The following ITIH5 variants were observed in gnomAD, a reference collection of about 807,000 sequenced individuals.
ITIH5 encodes inter-alpha-trypsin inhibitor heavy chain 5.
A neutral mutation model predicts 77.5 loss-of-function variants in ITIH5; 65 were observed. The observed-to-expected ratio is 0.84, with a 90% CI of 0.69 to 1.03. The LOEUF is 1.03. Among genes scored for constraint, ITIH5 ranks in the 50% least tolerant of loss-of-function variants. The pLI is 0.00. For synonymous variants in ITIH5, 525 were observed against 494.3 expected, an observed-to-expected ratio of 1.06 and a Z score of -0.82; for missense variants, 1,208 against 1,213.1, an observed-to-expected ratio of 1.00 and a Z score of 0.06.
intron 2 of ITIH5, among the ~76,000 whole-genome samples, chr10:7,644,286 T>TC (rs1833934688): frequency 6.7e-6 from 1 of 149,284 alleles, no homozygotes; most frequent in African/African-American, 2.4e-5. Context: ...TGTGTATATA[T>TC]ATCATATATA....
intron 7 of ITIH5, among the ~76,000 whole-genome samples, chr10:7,607,801 C>T (rs575144720): frequency 1.3e-5 from 2 of 152,276 alleles, no homozygotes; most frequent in African/African-American, 2.4e-5. Context: ...GCAACAAGAG[C>T]GAAGCTCAGT....
At chr10:7,644,943 TATATATATCACAC>T (rs1211676347) in intron 2 of ITIH5, among the ~76,000 whole-genome samples, 4,407 of 18,656 alleles carry the variant, frequency 0.24, 181 homozygotes, top group South Asian at 0.3. Context: ...ATATCACATA[TATATATATCACAC>T]ATATATATAT....
intron 2 of ITIH5, among the ~76,000 whole-genome samples, chr10:7,648,010 G>A (rs1554758166): frequency 6.6e-6 from 1 of 151,846 alleles, no homozygotes; most frequent in Non-Finnish European, 1.5e-5. Context: ...TTAGGAGGCT[G>A]AAGCAGGTGG....
At chr10:7,662,281 C>A (rs772373500) in intron 1 of ITIH5, among the ~76,000 whole-genome samples, 1 of 151,796 alleles carries the variant, frequency 6.6e-6, no homozygotes, top group Admixed American at 6.6e-5. Context: ...TGCTTGAATC[C>A]GGGAGGCGGA....
chr10:7,638,745 T>A (rs1833839239), intron 4 of ITIH5, among the ~76,000 whole-genome samples: 1 of 152,092 alleles, frequency 6.6e-6, no homozygotes, highest in Non-Finnish European at 1.5e-5. Flanking sequence ...AGGGTAAAAG[T>A]TTTGCATCAA....
chr10:7,651,140 C>T (rs1191026408), intron 2 of ITIH5, among the ~76,000 whole-genome samples: 1 of 152,140 alleles, frequency 6.6e-6, no homozygotes, highest in Non-Finnish European at 1.5e-5. Flanking sequence ...ATTCTTGATG[C>T]TCTGGCATTT....
At chr10:7,665,280 G>A (rs1349388118) in intron 1 of ITIH5, among the ~76,000 whole-genome samples, 3 of 152,128 alleles carry the variant, frequency 2.0e-5, no homozygotes, top group Non-Finnish European at 2.9e-5. Context: ...CAGAATCTTT[G>A]TTTCAGTCCA....
At chr10:7,637,659 G>A (rs150855505) in intron 4 of ITIH5, among the ~76,000 whole-genome samples, 181 bp from the exon 5 acceptor site, 26 of 152,234 alleles carry the variant, frequency 1.7e-4, no homozygotes, top group African/African-American at 6.3e-4. Context: ...GTGAAACCCC[G>A]TGCTAGAGGT....
At chr10:7,591,089 G>A (rs112646784) in intron 7 of ITIH5, among the ~76,000 whole-genome samples, 13,983 of 152,212 alleles carry the variant, frequency 0.092, 685 homozygotes, top group South Asian at 0.14. Flanking sequence ...TAGAGACGGG[G>A]TTTCACCATG....
chr10:7,606,495 C>T (rs1316524769), intron 7 of ITIH5, among the ~76,000 whole-genome samples: 1 of 152,154 alleles, frequency 6.6e-6, no homozygotes, highest in Non-Finnish European at 1.5e-5. Context: ...AGCAAATTAA[C>T]CCAGGAACTG....
intron 7 of ITIH5, among the ~76,000 whole-genome samples, chr10:7,615,624 T>C (rs1833347951): frequency 6.6e-6 from 1 of 152,230 alleles, no homozygotes; most frequent in Non-Finnish European, 1.5e-5. Context: ...AGGCTTCCAA[T>C]GATTCTATTC....
At position 7,566,165 on chromosome 10, in the gene ITIH5, C is replaced by T. The variant is rs375493607; in HGVS notation, c.2392G>A (p.Val798Ile). 5.5e-5 allele frequency: 89 copies of T among 1,614,040 alleles called. 1 individual carries two copies. The South Asian group carries it at 7.7e-4, about 14-fold the overall frequency. Residue 798 changes from valine (V) to isoleucine (I), a missense_variant, in exon 13 of 14, where the codon GTC becomes ATC. Val to Ile is a conservative substitution (Grantham distance 29). Transcript: ENST00000397146. The part of the protein sequence containing the change: ...VSVSANANVT[V>I]TIQGSIAFVI... The stretch of plus-strand genomic sequence containing the variant: ...AAGGCTATGGAGCCCTGGATGGTGA[C>T]GGTGACATTGGCGTTGGCAGACACG...
intron 1 of ITIH5, among the ~76,000 whole-genome samples, chr10:7,666,056 G>T (rs1013829998): frequency 6.6e-6 from 1 of 152,196 alleles, no homozygotes; most frequent in African/African-American, 2.4e-5. Context: ...TATTTAAATG[G>T]CATGTGTGTG....
intron 5 of ITIH5, among the ~76,000 whole-genome samples, chr10:7,635,059 G>A (rs1407305069): frequency 6.6e-6 from 1 of 152,068 alleles, no homozygotes; most frequent in Non-Finnish European, 1.5e-5. Flanking sequence ...AAAGTGCTGG[G>A]ATTACAGGTG....
intron 7 of ITIH5, among the ~76,000 whole-genome samples, chr10:7,613,417 G>A (rs374119995): frequency 1.3e-5 from 2 of 152,060 alleles, no homozygotes; most frequent in South Asian, 2.1e-4. Flanking sequence ...AAAACTTTGG[G>A]AAACCTACAA....
chr10:7,589,458 C>A (rs1379951034), intron 7 of ITIH5, among the ~76,000 whole-genome samples: 2 of 150,224 alleles, frequency 1.3e-5, no homozygotes, highest in East Asian at 3.9e-4. Context: ...GACTCTATCT[C>A]AAAAAAAAAT....
chr10:7,572,721 C>T lies in ITIH5; in HGVS notation c.2032+421G>A, dbSNP rs143632578. On this transcript the variant is annotated intron_variant, in intron 11 of 13. Coordinates refer to ENST00000397146, the MANE Select transcript of ITIH5 (RefSeq NM_030569.7). ...CTCACACTGTGGGCTTGATACATTG[C>T]TGAATGAGCTGGTATTTTTAACTGG... 417 of 196,194 alleles carry T rather than the reference C, an allele frequency of 2.1e-3. 1 individual carries two copies. The highest frequency in any genetic ancestry group is 3.1e-3 in the Non-Finnish European group (295 of 96,146). 12.2% of individuals were successfully genotyped at this position (196,194 alleles called of 1,614,324 possible).
intron 7 of ITIH5, among the ~76,000 whole-genome samples, chr10:7,589,458 CA>C (rs919217795): frequency 2.0e-5 from 3 of 150,214 alleles, no homozygotes; most frequent in Admixed American, 6.6e-5. Flanking sequence ...GACTCTATCT[CA>C]AAAAAAAATG....
intron 7 of ITIH5, among the ~76,000 whole-genome samples, chr10:7,598,099 A>G (rs1166133937): frequency 6.6e-6 from 1 of 152,188 alleles, no homozygotes; most frequent in Admixed American, 6.5e-5. Flanking sequence ...AGTGTAAGTA[A>G]CACTTCAGGG....
Sources: allele counts gnomAD v4.1 joint callset (sites outside exome capture counted in the v4.1 genomes callset), GRCh38; gene constraint gnomAD v4.1.1; transcripts MANE v1.5; gene names NCBI Gene and HGNC (gene_info 2026-07-23, HGNC 2026-07-21).